The following PTPRQ variants were observed in gnomAD, a reference collection of about 807,000 sequenced individuals.
The protein encoded by PTPRQ is phosphatidylinositol phosphatase PTPRQ.
In PTPRQ, 199 loss-of-function variants were observed where a neutral mutation model predicts 246.0. The observed-to-expected ratio is 0.81, with a 90% CI of 0.72 to 0.91. PTPRQ has a LOEUF of 0.91. Among genes scored for constraint, PTPRQ ranks in the 40% least tolerant of loss-of-function variants. PTPRQ has a pLI of 0.00. For synonymous variants in PTPRQ, 869 were observed against 853.2 expected (o/e 1.02, Z -0.32); for missense variants, 2,624 against 2,528.4 (o/e 1.04, Z -0.81).
intron 3 of PTPRQ, among the ~76,000 whole-genome samples, chr12:80,446,555 C>A (rs1257591783): frequency 6.6e-6 from 1 of 151,580 alleles, no homozygotes; most frequent in Non-Finnish European, 1.5e-5. Context: ...ACATTGTACC[C>A]AATAGGTAAT....
At chr12:80,545,983 C>T (rs149483861) in intron 23 of PTPRQ, among the ~76,000 whole-genome samples, 3,371 of 151,702 alleles carry the variant, frequency 0.022, 59 homozygotes, top group Non-Finnish European at 0.032. Flanking sequence ...TATATAATTC[C>T]AAGTAAAAAT....
intron 3 of PTPRQ, 84 bp downstream of exon 3, chr12:80,445,801 C>A (rs1892536889): frequency 2.2e-6 from 2 of 896,278 alleles, no homozygotes; most frequent in Non-Finnish European, 3.6e-6. Flanking sequence ...CCTTGTCAAG[C>A]CTTTACAGCT....
intron 25 of PTPRQ, among the ~76,000 whole-genome samples, chr12:80,579,541 A>G (rs1897372440): frequency 6.6e-6 from 1 of 152,098 alleles, no homozygotes; most frequent in Admixed American, 6.6e-5. Flanking sequence ...AGTTATTTCT[A>G]TTAACTAAAA....
At chr12:80,652,865 A>T in intron 38 of PTPRQ, 31 bp downstream of exon 38, 2 of 1,435,014 alleles carry the variant, frequency 1.4e-6, no homozygotes, top group Non-Finnish European at 1.8e-6. Flanking sequence ...TGGTTTAGCT[A>T]GGAAATATTT....
chr12:80,532,506 C>A lies in PTPRQ; in HGVS notation c.2679-1509C>A, dbSNP rs577054556. ...GAAGTGCCGGCATTACAGGTGTGAG[C>A]CACCACACTCGTCTTAATTGCATAG... On this transcript the variant is annotated intron_variant, in intron 17 of 44. Transcript: ENST00000644991. 2.6e-5 allele frequency among the ~76,000 whole-genome samples: 4 copies of A among 152,228 alleles called. No homozygotes were observed. In the South Asian group the frequency reaches 6.2e-4, roughly 24 times the overall value.
intron 35 of PTPRQ, among the ~76,000 whole-genome samples, chr12:80,637,430 T>C (rs1433579028): frequency 6.6e-6 from 1 of 152,256 alleles, no homozygotes; most frequent in African/African-American, 2.4e-5. Flanking sequence ...ATTTTTATTT[T>C]GTTACACACA....
chr12:80,616,068 C>A, intron 29 of PTPRQ, 132 bp from the exon 30 acceptor site: 1 of 462,366 alleles, frequency 2.2e-6, no homozygotes, highest in Non-Finnish European at 3.0e-6. Context: ...TACATGTAAC[C>A]ATAATCAGTT....
intron 14 of PTPRQ, among the ~76,000 whole-genome samples, chr12:80,499,128 T>G (rs1894718824): frequency 6.6e-6 from 1 of 151,924 alleles, no homozygotes; most frequent in South Asian, 2.1e-4. Flanking sequence ...AATTGGGGCT[T>G]GACTATAGGC....
At position 80,494,888 on chromosome 12, in the gene PTPRQ, A is replaced by G. The variant is rs11114479; in HGVS notation, c.1541-45A>G. On this transcript the variant is annotated intron_variant, in intron 10 of 44. Transcript: ENST00000644991. The stretch of plus-strand genomic sequence containing the variant: ...AAGAAAAAAATAATTTTGATTGTGA[A>G]GCCAAACACCTTTCTTTTTTTCTCT... The G allele has an allele frequency of 0.013, 19,743 of 1,484,624 alleles. 1,112 individuals carry two copies. In the African/African-American group the frequency reaches 0.15, roughly 11 times the overall value. 92.0% of individuals were successfully genotyped at this position (1,484,624 alleles called of 1,614,324 possible).
intron 17 of PTPRQ, 88 bp from the exon 18 acceptor site, chr12:80,533,927 A>G (rs868231940): frequency 6.3e-6 from 6 of 955,044 alleles, no homozygotes; most frequent in Non-Finnish European, 7.2e-6. Flanking sequence ...CCATATATTA[A>G]TGTTGTTTAC....
Position 80,672,605 on chromosome 12 carries a change from TTTCTATGGAGCATA to T in PTPRQ, c.6603-562_6603-549del, listed in dbSNP as rs1901006039. 2.6e-5 allele frequency among the ~76,000 whole-genome samples: 4 copies of T among 152,144 alleles called. No individual in the cohort carries two copies. In the South Asian group the frequency reaches 6.2e-4, roughly 24 times the overall value. On this transcript the variant is annotated intron_variant, in intron 42 of 44. Transcript: ENST00000644991. The stretch of plus-strand genomic sequence containing the variant: ...TCTTGTGAGGTTTATCAGTTAACAG[TTTCTATGGAGCATA>T]TACCTGTCTTTGAGTATTGATGTAA...
intron 25 of PTPRQ, among the ~76,000 whole-genome samples, chr12:80,565,491 C>T (rs1896950228): frequency 6.6e-6 from 1 of 152,140 alleles, no homozygotes; most frequent in Admixed American, 6.5e-5. Flanking sequence ...ACCTCCTCCC[C>T]TATTTTTTTT....
chr12:80,592,519 A>T (rs1006145574), intron 26 of PTPRQ, among the ~76,000 whole-genome samples: 1 of 152,154 alleles, frequency 6.6e-6, no homozygotes, highest in Non-Finnish European at 1.5e-5. Context: ...TGGTGAAATA[A>T]CATAAGAATA....
chr12:80,662,399 A>C (rs1024199663), intron 39 of PTPRQ, among the ~76,000 whole-genome samples: 1 of 152,096 alleles, frequency 6.6e-6, no homozygotes, highest in Admixed American at 6.6e-5. Context: ...AGTTCATAAA[A>C]AGGAGGATTA....
chr12:80,459,835 A>G (rs1035102719), intron 5 of PTPRQ, among the ~76,000 whole-genome samples: 2 of 152,202 alleles, frequency 1.3e-5, no homozygotes, highest in African/African-American at 4.8e-5. Context: ...AGGATACTTT[A>G]TAAAGCCCTG....
chr12:80,500,078 T>C (rs1461848808), intron 14 of PTPRQ, among the ~76,000 whole-genome samples: 2 of 152,014 alleles, frequency 1.3e-5, no homozygotes, highest in Non-Finnish European at 2.9e-5. Context: ...ATAAATTTAT[T>C]TGTATTAATG....
intron 25 of PTPRQ, chr12:80,586,726 G>A (rs1273031325): frequency 2.0e-5 from 3 of 152,098 alleles, no homozygotes. Context: ...CCAAATCCAT[G>A]TGTTCTGCAT....
At chr12:80,611,948 C>G (rs1026271719) in intron 28 of PTPRQ, among the ~76,000 whole-genome samples, 1 of 150,350 alleles carries the variant, frequency 6.7e-6, no homozygotes, top group African/African-American at 2.4e-5. Context: ...GTACGTTTAT[C>G]TGCTTCTCTC....
intron 43 of PTPRQ, among the ~76,000 whole-genome samples, chr12:80,676,596 T>C (rs566063686): frequency 1.8e-4 from 28 of 152,194 alleles, no homozygotes; most frequent in South Asian, 1.5e-3. Flanking sequence ...GAGCCAAGAC[T>C]GCGCCATTGC....
Sources: allele counts gnomAD v4.1 joint callset (sites outside exome capture counted in the v4.1 genomes callset), GRCh38; gene constraint gnomAD v4.1.1; transcripts MANE v1.5; gene names NCBI Gene and HGNC (gene_info 2026-07-23, HGNC 2026-07-21).